Variants in FAM8A1 observed in about 807,000 individuals in gnomAD.
FAM8A1 encodes the protein protein FAM8A1.
A neutral mutation model predicts 38.3 loss-of-function variants in FAM8A1; 18 were observed. The observed-to-expected ratio is 0.47, with a 90% CI of 0.33 to 0.70. The LOEUF is 0.70. Ranked by LOEUF, FAM8A1 falls within the 30% of genes least tolerant of loss-of-function variation. The probability of loss-of-function intolerance (pLI) is 0.03; values close to 1 mark genes in which losing one functional copy is unlikely to be tolerated. For synonymous variants in FAM8A1, 246 were observed against 234.4 expected, an observed-to-expected ratio of 1.05 and a Z score of -0.45; for missense variants, 559 against 559.6, an observed-to-expected ratio of 1.00 and a Z score of 0.01.
At chr6:17,605,739 G>A in intron 3 of FAM8A1, 135 bp from the exon 4 acceptor site, 1 of 765,588 alleles carries the variant, frequency 1.3e-6, no homozygotes, top group Non-Finnish European at 1.9e-6. Context: ...AAAGTTAAAT[G>A]GTTAACTTTT....
At position 17,600,887 on chromosome 6, in the gene FAM8A1, C is replaced by T; in HGVS notation, c.478C>T (p.Gln160Ter). ...CCCTTCGGGCGGCGCTGCAGTCCCCCAGGCCGCGGCGCCGCCGCCCCCGCA... is the reference window on the plus strand; with the variant it reads ...CCCTTCGGGCGGCGCTGCAGTCCCCTAGGCCGCGGCGCCGCCGCCCCCGCA... The part of the protein sequence containing the change: ...SFPSGGAAVP[Q>*]AAAPPPPQLG... The change falls in exon 1 of 5, where the codon CAG becomes TAG. Residue 160 changes from glutamine to a stop codon, truncating the protein, a stop_gained. Coordinates refer to ENST00000259963, the MANE Select transcript of FAM8A1 (RefSeq NM_016255.3). LOFTEE classifies it high-confidence loss of function. 1.3e-6 allele frequency: 2 copies of T among 1,598,520 alleles called. No individual in the cohort carries two copies. The highest frequency in any genetic ancestry group is 1.3e-5 in the African/African-American group (1 of 74,444).
chr6:17,610,153 A>ATTAG lies in FAM8A1; in HGVS notation c.*1817_*1820dup, dbSNP rs1764119313. The ATTAG allele has an allele frequency of 6.6e-6, 1 of 152,148 alleles. No individual in the cohort carries two copies. Among genetic ancestry groups the ATTAG allele is most frequent in the South Asian group, 2.1e-4 (1 of 4,830 alleles). The allele number at this position is 152,148 out of a possible 1,614,324, so 9.4% of individuals were successfully genotyped here. ...GCACTTTAGTAGTGTATACACTAGC[A>ATTAG]TTAGTTTATACACCACTTTTGCCGC... On this transcript the variant is annotated 3_prime_UTR_variant, in exon 5 of 5. Transcript: ENST00000259963.
At position 17,610,558 on chromosome 6, in the gene FAM8A1, A is replaced by G. The variant is rs1039390443; in HGVS notation, c.*2219A>G. On this transcript the variant is annotated 3_prime_UTR_variant, in exon 5 of 5. Coordinates refer to ENST00000259963, the MANE Select transcript of FAM8A1 (RefSeq NM_016255.3). ...AAAGTTTGGAAAAAAATGACAAAAC[A>G]ACGAGGGAAGAAGGAACCAGACCTT... 2.0e-5 allele frequency: 3 copies of G among 152,110 alleles called. No homozygotes were observed. Among genetic ancestry groups the G allele is most frequent in the Non-Finnish European group, 4.4e-5 (3 of 67,994 alleles). 9.4% of individuals were successfully genotyped at this position (152,110 alleles called of 1,614,324 possible). A position where few individuals can be genotyped will look rare whatever the true frequency, so the allele number is the denominator to read the frequency against.
At chr6:17,602,807 T>A in intron 2 of FAM8A1, 97 bp downstream of exon 2, 1 of 1,158,758 alleles carries the variant, frequency 8.6e-7, no homozygotes, top group Non-Finnish European at 1.2e-6. Context: ...ATATGGATAA[T>A]GGGCTTGTCA....
At chr6:17,602,923 G>A (rs1300460322) in intron 2 of FAM8A1, among the ~76,000 whole-genome samples, 2 of 152,194 alleles carry the variant, frequency 1.3e-5, no homozygotes, top group Non-Finnish European at 2.9e-5. Context: ...TCTATAAGAT[G>A]TGTGGGAATC....
At position 17,610,941 on chromosome 6, in the gene FAM8A1, A is replaced by C. The variant is rs1764133396; in HGVS notation, c.*2602A>C. 1 of 152,202 alleles carries C rather than the reference A, an allele frequency of 6.6e-6. No individual in the cohort carries two copies. Among genetic ancestry groups the C allele is most frequent in the Admixed American group, 6.5e-5 (1 of 15,274 alleles). 9.4% of individuals were successfully genotyped at this position (152,202 alleles called of 1,614,324 possible). A position where few individuals can be genotyped will look rare whatever the true frequency, so the allele number is the denominator to read the frequency against. ...GAAAAATCTGGCATACTGAATAAATAACATTAACTTGGGAGCCAAGAGCTG... is the reference window on the plus strand; with the variant it reads ...GAAAAATCTGGCATACTGAATAAATCACATTAACTTGGGAGCCAAGAGCTG... On this transcript the variant is annotated 3_prime_UTR_variant, in exon 5 of 5. Transcript: ENST00000259963.
At position 17,608,586 on chromosome 6, in the gene FAM8A1, A is replaced by G; in HGVS notation, c.*247A>G. The G allele has an allele frequency of 3.0e-6, 1 of 331,632 alleles. No individual in the cohort carries two copies. The highest frequency in any genetic ancestry group is 5.4e-6 in the Non-Finnish European group (1 of 185,520). 20.5% of individuals were successfully genotyped at this position (331,632 alleles called of 1,614,324 possible). A position where few individuals can be genotyped will look rare whatever the true frequency, so the allele number is the denominator to read the frequency against. ...CAAATGATTTTATAAACAATGGACA[A>G]TATATACTTTCTTAAGATCTAAGGT... is the stretch of plus-strand genomic sequence containing the variant. On this transcript the variant is annotated 3_prime_UTR_variant, in exon 5 of 5. Coordinates refer to ENST00000259963, the MANE Select transcript of FAM8A1 (RefSeq NM_016255.3).
intron 2 of FAM8A1, among the ~76,000 whole-genome samples, chr6:17,602,916 A>C (rs560647345): frequency 6.6e-6 from 1 of 152,362 alleles, no homozygotes; most frequent in South Asian, 2.1e-4. Context: ...ACTGAATTCT[A>C]TAAGATGTGT....
chr6:17,601,322 A>G (rs1763983374), intron 1 of FAM8A1, among the ~76,000 whole-genome samples: 1 of 152,202 alleles, frequency 6.6e-6, no homozygotes, highest in South Asian at 2.1e-4. Context: ...TTCTTCCTTT[A>G]GACCTGGCAC....
In FAM8A1 at chr6:17,610,405, C is replaced by T. The variant is rs989475380; in HGVS notation, c.*2066C>T. On this transcript the variant is annotated 3_prime_UTR_variant, in exon 5 of 5. Coordinates refer to ENST00000259963, the MANE Select transcript of FAM8A1 (RefSeq NM_016255.3). Reference sequence around the variant, plus strand: ...TCTATGTAGGTTCAGTCAGATCCAACCATGGATTCGAGGTATTATACTGTA... The same window carrying T: ...TCTATGTAGGTTCAGTCAGATCCAATCATGGATTCGAGGTATTATACTGTA... 4.6e-5 allele frequency: 7 copies of T among 152,066 alleles called. No individual in the cohort carries two copies. Among genetic ancestry groups the T allele is most frequent in the African/African-American group, 1.7e-4 (7 of 41,426 alleles). 9.4% of individuals were successfully genotyped at this position (152,066 alleles called of 1,614,324 possible).
chr6:17,603,508 C>A (rs187670906), intron 2 of FAM8A1, among the ~76,000 whole-genome samples: 52 of 152,290 alleles, frequency 3.4e-4, no homozygotes, highest in African/African-American at 1.2e-3. Flanking sequence ...CACTCCACAT[C>A]CAGTGAAATA....
intron 1 of FAM8A1, 120 bp downstream of exon 1, chr6:17,601,241 C>T: frequency 7.6e-7 from 1 of 1,308,904 alleles, no homozygotes; most frequent in Non-Finnish European, 1.0e-6. Flanking sequence ...CTATCCTGCC[C>T]GTTCAGTTCA....
intron 2 of FAM8A1, among the ~76,000 whole-genome samples, chr6:17,603,363 A>G (rs1764011504): frequency 2.0e-5 from 3 of 152,206 alleles, no homozygotes; most frequent in Admixed American, 1.3e-4. Flanking sequence ...GGGTTTATGA[A>G]AAGTTGAGCA....
chr6:17,607,401 T>C (rs1764069197), intron 4 of FAM8A1, among the ~76,000 whole-genome samples: 1 of 151,394 alleles, frequency 6.6e-6, no homozygotes, highest in Non-Finnish European at 1.5e-5. Flanking sequence ...AATTTAATGC[T>C]AACAACCTCA....
rs1764088848 is a variant in FAM8A1 at position 17,608,440 on chromosome 6, A to T, written c.*101A>T. ...TAATTGATGATTTAGAAATTAAAGC[A>T]GTCACTCCAGTGTGATGCAGGTGAC... On this transcript the variant is annotated 3_prime_UTR_variant, in exon 5 of 5. Transcript: ENST00000259963. 1 of 1,351,328 alleles carries T rather than the reference A, an allele frequency of 7.4e-7. No individual in the cohort carries two copies. Among genetic ancestry groups the T allele is most frequent in the Non-Finnish European group, 1.0e-6 (1 of 1,000,076 alleles). 83.7% of individuals were successfully genotyped at this position (1,351,328 alleles called of 1,614,324 possible). A position where few individuals can be genotyped will look rare whatever the true frequency, so the allele number is the denominator to read the frequency against.
chr6:17,606,094 A>G, intron 4 of FAM8A1, 81 bp downstream of exon 4: 2 of 1,050,986 alleles, frequency 1.9e-6, no homozygotes, highest in Non-Finnish European at 2.6e-6. Context: ...TTTTCTTCAT[A>G]GTAGATAGGC....
intron 4 of FAM8A1, among the ~76,000 whole-genome samples, chr6:17,606,479 C>T (rs748696977): frequency 5.3e-5 from 8 of 152,106 alleles, no homozygotes; most frequent in Non-Finnish European, 1.2e-4. Flanking sequence ...GGATTACAGA[C>T]GTGAGCCACC....
At chr6:17,605,077 A>G (rs376389182) in intron 3 of FAM8A1, 48 bp downstream of exon 3, 10 of 1,536,160 alleles carry the variant, frequency 6.5e-6, no homozygotes, top group Non-Finnish European at 8.8e-6. Flanking sequence ...ATCTAATTTT[A>G]TGTTTTTACA....
In FAM8A1 at chr6:17,604,970, G is replaced by A. The variant is rs1246435657; in HGVS notation, c.898G>A (p.Asp300Asn). The A allele has an allele frequency of 6.2e-7, 1 of 1,610,868 alleles. No individual in the cohort carries two copies. The highest frequency in any genetic ancestry group is 2.2e-5 in the East Asian group (1 of 44,768). The part of the protein sequence containing the change: ...EEIDEDTSME[D>N]LQKMMVVALI... ...AATAGATGAAGACACATCAATGGAA[G>A]ACTTGCAGAAAATGATGGTTGTGGC... Residue 300 changes from aspartate to asparagine, a missense_variant, in exon 3 of 5, where the codon GAC becomes AAC. Transcript: ENST00000259963.
Sources: allele counts gnomAD v4.1 joint callset (sites outside exome capture counted in the v4.1 genomes callset), GRCh38; gene constraint gnomAD v4.1.1; transcripts MANE v1.5; gene names NCBI Gene and HGNC (gene_info 2026-07-23, HGNC 2026-07-21).